The following DAB1 variants were observed in gnomAD, a reference collection of about 807,000 sequenced individuals.
DAB1 encodes DAB adaptor protein 1, also known as disabled homolog 1.
In DAB1, 15 loss-of-function variants were observed where a neutral mutation model predicts 64.6. The observed-to-expected ratio is 0.23, with a 90% confidence interval of 0.16 to 0.36. DAB1 has a LOEUF of 0.36. Among genes scored for constraint, DAB1 ranks in the 10% least tolerant of loss-of-function variants. The probability of loss-of-function intolerance (pLI) is 1.00; values close to 1 mark genes in which losing one functional copy is unlikely to be tolerated. For missense variants in DAB1, 596 were observed against 706.7 expected, an observed-to-expected ratio of 0.84 and a Z score of 1.78; for synonymous variants, 235 against 251.9, an observed-to-expected ratio of 0.93 and a Z score of 0.64.
At chr1:57,967,190 G>C (rs1486482508) in intron 5 of DAB1, among the ~76,000 whole-genome samples, 1 of 152,174 alleles carries the variant, frequency 6.6e-6, no homozygotes, top group Non-Finnish European at 1.5e-5. Context: ...GGCTGTCCAA[G>C]GTGCTGGCCA....
At chr1:58,452,019 G>A (rs1286635547) in intron 3 of DAB1, among the ~76,000 whole-genome samples, 1 of 138,326 alleles carries the variant, frequency 7.2e-6, no homozygotes, top group Non-Finnish European at 1.5e-5. Flanking sequence ...CCACCGCCCC[G>A]CCCCCTGGGT....
chr1:57,529,655 A>G (rs1644637624), intron 7 of DAB1, among the ~76,000 whole-genome samples: 1 of 152,136 alleles, frequency 6.6e-6, no homozygotes, highest in Non-Finnish European at 1.5e-5. Flanking sequence ...TAATTAAAGA[A>G]AAGGTCAATT....
chr1:57,795,759 G>A (rs1436353604), intron 6 of DAB1, among the ~76,000 whole-genome samples: 1 of 125,490 alleles, frequency 8.0e-6, no homozygotes, highest in South Asian at 2.6e-4. Context: ...TCAGCAACAT[G>A]ATATAGTGGG....
intron 7 of DAB1, among the ~76,000 whole-genome samples, chr1:57,449,042 C>T (rs536269047): frequency 2.0e-5 from 3 of 152,200 alleles, no homozygotes; most frequent in South Asian, 4.1e-4. Context: ...CTTGAGTAAA[C>T]ACTCACCCCA....
At chr1:58,342,287 G>C (rs542514476) in intron 4 of DAB1, among the ~76,000 whole-genome samples, 5 of 152,118 alleles carry the variant, frequency 3.3e-5, no homozygotes, top group African/African-American at 1.2e-4. Flanking sequence ...GGAATCTGGG[G>C]AACTTTGGAG....
At chr1:57,260,873 T>C (rs954419280) in intron 2 of DAB1, among the ~76,000 whole-genome samples, 1 of 152,178 alleles carries the variant, frequency 6.6e-6, no homozygotes, top group Non-Finnish European at 1.5e-5. Context: ...CTGTAGAGCA[T>C]GGAAGCATGG....
At chr1:58,300,608 GAAA>G (rs1662116726) in intron 4 of DAB1, among the ~76,000 whole-genome samples, 1 of 35,334 alleles carries the variant, frequency 2.8e-5, no homozygotes, top group Non-Finnish European at 6.2e-5. Context: ...AAGAAAGAAA[GAAA>G]GAGAGAGAGA....
intron 1 of DAB1, among the ~76,000 whole-genome samples, chr1:58,546,153 C>T (rs527327861): frequency 2.3e-4 from 35 of 152,220 alleles, no homozygotes; most frequent in Non-Finnish European, 4.3e-4. Flanking sequence ...TAAAACTCCC[C>T]GGAACTGCTT....
chr1:58,493,924 G>C (rs531990726), intron 3 of DAB1, among the ~76,000 whole-genome samples: 2 of 147,190 alleles, frequency 1.4e-5, no homozygotes, highest in East Asian at 2.0e-4. Context: ...CTACTTTAAA[G>C]TTCATATGGT....
chr1:57,879,767 C>G (rs927503516), intron 1 of DAB1, among the ~76,000 whole-genome samples: 3 of 152,122 alleles, frequency 2.0e-5, no homozygotes, highest in African/African-American at 7.2e-5. Context: ...TGAAGAGGAT[C>G]CTCCATTGGC....
intron 1 of DAB1, chr1:57,878,679 G>A (rs191600730): frequency 6.6e-6 from 1 of 152,200 alleles, no homozygotes; most frequent in East Asian, 1.9e-4. Flanking sequence ...TTATTAATTT[G>A]TGTTGGGAAT....
intron 6 of DAB1, among the ~76,000 whole-genome samples, chr1:57,812,948 G>T (rs1233679019): frequency 6.6e-6 from 1 of 152,012 alleles, no homozygotes; most frequent in Non-Finnish European, 1.5e-5. Flanking sequence ...CTGGTGTGTG[G>T]TCTACACTAC....
chr1:58,470,333 C>T (rs1295920778), intron 3 of DAB1, among the ~76,000 whole-genome samples: 1 of 151,828 alleles, frequency 6.6e-6, no homozygotes, highest in African/African-American at 2.4e-5. Flanking sequence ...AGCACCGCAC[C>T]CAGCTAATTT....
intron 7 of DAB1, among the ~76,000 whole-genome samples, chr1:57,570,106 C>T (rs973584323): frequency 6.6e-6 from 1 of 152,058 alleles, no homozygotes; most frequent in Non-Finnish European, 1.5e-5. Context: ...AGGAGATTAA[C>T]ATTTGAGTCA....
intron 1 of DAB1, among the ~76,000 whole-genome samples, chr1:57,312,901 G>A (rs1467848812): frequency 6.6e-6 from 1 of 152,062 alleles, no homozygotes; most frequent in Non-Finnish European, 1.5e-5. Context: ...TTGGCCTAAT[G>A]GAACAGAGAG....
At chr1:57,585,155 A>G (rs1645362383) in intron 7 of DAB1, among the ~76,000 whole-genome samples, 1 of 145,626 alleles carries the variant, frequency 6.9e-6, no homozygotes, top group Non-Finnish European at 1.5e-5. Flanking sequence ...AGGCTGAGGC[A>G]GGAGAATCGC....
At chr1:57,683,180 A>G (rs2101700928) in intron 6 of DAB1, among the ~76,000 whole-genome samples, 1 of 152,266 alleles carries the variant, frequency 6.6e-6, no homozygotes, top group South Asian at 2.1e-4. Flanking sequence ...GAGGTGTGAG[A>G]CATGTGGGTT....
chr1:57,798,955 T>A (rs1650998723), intron 6 of DAB1, among the ~76,000 whole-genome samples: 1 of 152,170 alleles, frequency 6.6e-6, no homozygotes, highest in Non-Finnish European at 1.5e-5. Context: ...TCTCAGAAGG[T>A]CACCAGCTGT....
In DAB1 at chr1:58,422,033, G is replaced by A. The variant is rs559256944; in HGVS notation, n.258-78630C>T. ...AAAGGATATGATGTCTGAGTTCTGG[G>A]ATTCCAGAATCCTCAGCCTACTTGC... On this transcript the variant is annotated intron_variant and non_coding_transcript_variant, in intron 3 of 20. Transcript: ENST00000485760. Among the ~76,000 whole-genome samples, 3 of 152,068 alleles carry A rather than the reference G, an allele frequency of 2.0e-5. No homozygotes were observed. The South Asian group carries it at 6.2e-4, about 32-fold the overall frequency.
Sources: allele counts gnomAD v4.1 joint callset (sites outside exome capture counted in the v4.1 genomes callset), GRCh38; gene constraint gnomAD v4.1.1; transcripts MANE v1.5; gene names NCBI Gene and HGNC (gene_info 2026-07-23, HGNC 2026-07-21).